The following HCFC2 variants were observed in gnomAD, a reference collection of about 807,000 sequenced individuals.
HCFC2 encodes the protein host cell factor 2.
A neutral mutation model predicts 89.2 loss-of-function variants in HCFC2; 18 were observed. The observed-to-expected ratio is 0.20, with a 90% CI of 0.14 to 0.30. The LOEUF (loss-of-function observed/expected upper bound fraction) is 0.30, where lower values mean the gene tolerates loss of function less well. HCFC2 is among the 10% of genes least tolerant of loss of function. The pLI is 1.00. For synonymous variants in HCFC2, 308 were observed against 335.7 expected (o/e 0.92, Z 0.90); for missense variants, 578 against 956.1 (o/e 0.60, Z 5.21).
At chr12:104,080,858 TG>T in intron 5 of HCFC2, 28 bp downstream of exon 5, 1 of 1,467,152 alleles carries the variant, frequency 6.8e-7, no homozygotes, top group African/African-American at 1.4e-5. Flanking sequence ...ATTTTGCTTC[TG>T]TTTTTTTTAA....
At chr12:104,097,651 C>T (rs1297844894) in intron 12 of HCFC2, 4 of 981,900 alleles carry the variant, frequency 4.1e-6, no homozygotes. Flanking sequence ...TTTTGAGCTT[C>T]TGGAAACAGT....
chr12:104,067,902 T>G, intron 2 of HCFC2, 45 bp from the exon 3 acceptor site: 5 of 1,540,090 alleles, frequency 3.2e-6, no homozygotes, highest in Non-Finnish European at 2.6e-6. Flanking sequence ...ATAGGAGTGC[T>G]TTCTTGATTT....
intron 12 of HCFC2, chr12:104,097,648 C>A: frequency 1.0e-6 from 1 of 981,516 alleles, no homozygotes; most frequent in Non-Finnish European, 1.2e-6. Context: ...TTGTTTTGAG[C>A]TTCTGGAAAC....
In HCFC2 at chr12:104,095,673, G is replaced by A; in HGVS notation, c.1666+110G>A. 1 of 795,290 alleles carries A rather than the reference G, an allele frequency of 1.3e-6. No individual in the cohort carries two copies. Among genetic ancestry groups the A allele is most frequent in the Non-Finnish European group, 2.0e-6 (1 of 508,382 alleles). The allele number at this position is 795,290 out of a possible 1,614,324, so 49.3% of individuals were successfully genotyped here. On this transcript the variant is annotated intron_variant, in intron 11 of 14. Coordinates refer to ENST00000229330, the MANE Select transcript of HCFC2 (RefSeq NM_013320.3). The surrounding 1 kb of genome is among the most constrained non-coding windows in gnomAD (Gnocchi z 4.2). The stretch of plus-strand genomic sequence containing the variant: ...ATTTCATCTTGGAATTTTGTTATTA[G>A]TCATTTTAACTTAATTTCTGTGAGC...
intron 14 of HCFC2, 77 bp downstream of exon 14, chr12:104,102,230 GAA>G: frequency 7.9e-7 from 1 of 1,271,106 alleles, no homozygotes; most frequent in South Asian, 1.6e-5. Context: ...TGTCAGTTTA[GAA>G]ATTCTTGTTA....
In HCFC2 at chr12:104,064,796, G is replaced by T. The variant is rs1883008865; in HGVS notation, c.163+73G>T. 3.5e-6 allele frequency: 5 copies of T among 1,416,072 alleles called. No individual in the cohort carries two copies. The highest frequency in any genetic ancestry group is 4.7e-6 in the Non-Finnish European group (5 of 1,069,888). 87.7% of individuals were successfully genotyped at this position (1,416,072 alleles called of 1,614,324 possible). On this transcript the variant is annotated intron_variant, in intron 1 of 14. Coordinates refer to ENST00000229330, the MANE Select transcript of HCFC2 (RefSeq NM_013320.3). The surrounding 1 kb of genome is among the most constrained non-coding windows in gnomAD (Gnocchi z 7.3). ...GGGGAGGGGAGGCGAGGCGGCGGCC[G>T]CGGCCCTGACAGCTGTCACCGCCCG...
rs756794025 is a variant in HCFC2 at position 104,079,489 on chromosome 12, G to A, written c.518G>A (p.Gly173Asp). The A allele has an allele frequency of 1.9e-6, 3 of 1,614,028 alleles. No homozygotes were observed. The highest frequency in any genetic ancestry group is 2.2e-5 in the East Asian group (1 of 44,890). ...GAGTTGGAGCTACAGCATGGCTCTGGTGTTGTGGGTTGGAGCATTCCAGTG... is the reference window on the plus strand; with the variant it reads ...GAGTTGGAGCTACAGCATGGCTCTGATGTTGTGGGTTGGAGCATTCCAGTG... ...FYELELQHGSGVVGWSIPVTK... is the reference protein window; with the variant it reads ...FYELELQHGSDVVGWSIPVTK... Residue 173 changes from glycine to aspartate, a missense_variant, in exon 4 of 15, where the codon GGT becomes GAT. Gly to Asp is a moderately conservative substitution (Grantham distance 94). Around this residue, in one of 4 missense-constraint regions of HCFC2, gnomAD observed 206 missense variants for 419.2 expected, o/e 0.49. Transcript: ENST00000229330.
intron 3 of HCFC2, among the ~76,000 whole-genome samples, chr12:104,076,119 T>C (rs1414556638): frequency 6.6e-6 from 1 of 152,254 alleles, no homozygotes; most frequent in Non-Finnish European, 1.5e-5. Context: ...TGTACAAGGT[T>C]CTTTGTCTAT....
At chr12:104,086,021 G>A (rs1316227918) in intron 7 of HCFC2, among the ~76,000 whole-genome samples, 1 of 139,576 alleles carries the variant, frequency 7.2e-6, no homozygotes, top group East Asian at 2.0e-4. Context: ...TTTTTGAGGC[G>A]GAGTCTCACT....
chr12:104,101,464 C>T (rs1304107768), intron 13 of HCFC2, among the ~76,000 whole-genome samples: 2 of 149,456 alleles, frequency 1.3e-5, no homozygotes, highest in East Asian at 2.0e-4. Flanking sequence ...GCCTGGGAGA[C>T]AGAGTGAGAC....
intron 9 of HCFC2, among the ~76,000 whole-genome samples, chr12:104,091,347 G>T (rs1212526114): frequency 6.6e-6 from 1 of 152,126 alleles, no homozygotes; most frequent in East Asian, 1.9e-4. Flanking sequence ...CTTGTACTCT[G>T]CACCTCTGCC....
chr12:104,082,454 T>C (rs373064572), intron 5 of HCFC2, 46 bp from the exon 6 acceptor site: 4 of 1,230,752 alleles, frequency 3.3e-6, no homozygotes, highest in Non-Finnish European at 4.8e-6. Flanking sequence ...ATCCAAGAAG[T>C]AAAATGAAAT....
intron 6 of HCFC2, 51 bp downstream of exon 6, chr12:104,082,657 T>A (rs772038278): frequency 2.3e-5 from 37 of 1,575,604 alleles, no homozygotes; most frequent in Non-Finnish European, 3.2e-5. Flanking sequence ...AATAAGATAA[T>A]TTTTGTAATT....
Position 104,095,368 on chromosome 12 carries a change from A to G in HCFC2, c.1471A>G (p.Thr491Ala). Reference sequence around the variant, plus strand: ...TTTCCCTTTTATTTTAGGTCCTCACACTTCAGCAAATGTAGGTGTTCTAAG... The same window carrying G: ...TTTCCCTTTTATTTTAGGTCCTCACGCTTCAGCAAATGTAGGTGTTCTAAG... ...DMLRKNEGPHTSANVGVLSSC... is the reference protein window; with the variant it reads ...DMLRKNEGPHASANVGVLSSC... Residue 491 changes from threonine to alanine, a missense_variant, in exon 11 of 15, where the codon ACT becomes GCT. This residue lies in a region of HCFC2 where 210 missense variants were observed against 251.7 expected (regional missense o/e 0.83). Coordinates refer to ENST00000229330, the MANE Select transcript of HCFC2 (RefSeq NM_013320.3). The surrounding 1 kb of genome is among the most constrained non-coding windows in gnomAD (Gnocchi z 4.2). 6.2e-7 allele frequency: 1 copy of G among 1,612,488 alleles called. No individual in the cohort carries two copies. The highest frequency in any genetic ancestry group is 1.1e-5 in the South Asian group (1 of 90,988).
At chr12:104,088,198 C>T (rs1883922812) in intron 9 of HCFC2, among the ~76,000 whole-genome samples, 160 bp downstream of exon 9, 1 of 152,170 alleles carries the variant, frequency 6.6e-6, no homozygotes, top group African/African-American at 2.4e-5. Context: ...CACAGATTCC[C>T]AAGCTCTTCC....
intron 2 of HCFC2, 36 bp downstream of exon 2, chr12:104,066,351 T>A: frequency 6.8e-7 from 1 of 1,462,334 alleles, no homozygotes; most frequent in Non-Finnish European, 9.3e-7. Flanking sequence ...TCTGAGGCTT[T>A]AATAATGATA....
rs1468642607 is a variant in HCFC2 at position 104,098,290 on chromosome 12, T to C, written c.1741-53T>C. 7.5e-6 allele frequency: 11 copies of C among 1,472,540 alleles called. No individual in the cohort carries two copies. In the African/African-American group the frequency reaches 1.1e-4, roughly 15 times the overall value. 91.2% of individuals were successfully genotyped at this position (1,472,540 alleles called of 1,614,324 possible). A position where few individuals can be genotyped will look rare whatever the true frequency, so the allele number is the denominator to read the frequency against. On this transcript the variant is annotated intron_variant, in intron 12 of 14. Coordinates refer to ENST00000229330, the MANE Select transcript of HCFC2 (RefSeq NM_013320.3). Reference sequence around the variant, plus strand: ...TGCATGGACTTATTAAATCTTGAAATTTTTCGTATATTCAATAAGAGTCTT... The same window carrying C: ...TGCATGGACTTATTAAATCTTGAAACTTTTCGTATATTCAATAAGAGTCTT...
rs372504252 is a variant in HCFC2, at chr12:104,066,367, C to T, written c.312+52C>T. The T allele has an allele frequency of 2.1e-4, 294 of 1,368,906 alleles. 1 individual carries two copies. The highest frequency in any genetic ancestry group is 2.9e-4 in the Non-Finnish European group (289 of 1,008,690). 84.8% of individuals were successfully genotyped at this position (1,368,906 alleles called of 1,614,324 possible). A position where few individuals can be genotyped will look rare whatever the true frequency, so the allele number is the denominator to read the frequency against. ...CTGAGGCTTTAATAATGATATTGTTCATAATTTTTCAAAAGATTGCAACAT... is the reference window on the plus strand; with the variant it reads ...CTGAGGCTTTAATAATGATATTGTTTATAATTTTTCAAAAGATTGCAACAT... On this transcript the variant is annotated intron_variant, in intron 2 of 14. Transcript: ENST00000229330.
intron 12 of HCFC2, chr12:104,097,834 G>A (rs1884220143): frequency 6.2e-6 from 1 of 161,362 alleles, no homozygotes; most frequent in African/African-American, 2.4e-5. Flanking sequence ...TATTCAAATT[G>A]CATTTTAGTT....
Sources: allele counts gnomAD v4.1 joint callset (sites outside exome capture counted in the v4.1 genomes callset), GRCh38; gene constraint gnomAD v4.1.1; regional missense constraint gnomAD v4.1.1; non-coding constraint Gnocchi (gnomAD v3.1); transcripts MANE v1.5; gene names NCBI Gene and HGNC (gene_info 2026-07-23, HGNC 2026-07-21).